CNTNAP5: variants seen among roughly 807,000 people sequenced by gnomAD.
CNTNAP5 encodes contactin associated protein family member 5.
Under a neutral mutation model 150.2 loss-of-function variants are expected in CNTNAP5, and 72 were observed. The observed-to-expected ratio is 0.48, with a 90% confidence interval of 0.40 to 0.58. The LOEUF (loss-of-function observed/expected upper bound fraction) is 0.58, where lower values mean the gene tolerates loss of function less well. CNTNAP5 is among the 20% of genes least tolerant of loss of function. The pLI is 0.00. For synonymous variants in CNTNAP5, 672 were observed against 619.8 expected (o/e 1.08, Z -1.25); for missense variants, 1,636 against 1,626.2 (o/e 1.01, Z -0.10).
intron 11 of CNTNAP5, among the ~76,000 whole-genome samples, chr2:124,576,366 G>T (rs556181408): frequency 2.2e-4 from 34 of 152,186 alleles, no homozygotes; most frequent in African/African-American, 8.2e-4. Flanking sequence ...TGATTTTGCT[G>T]TCGTGATGCC....
intron 3 of CNTNAP5, among the ~76,000 whole-genome samples, chr2:124,362,497 A>G (rs1411825439): frequency 6.6e-6 from 1 of 152,242 alleles, no homozygotes; most frequent in Admixed American, 6.5e-5. Flanking sequence ...CTATCATTTT[A>G]AAACCTAGAC....
rs570387474 is a variant in CNTNAP5 at position 124,910,300 on chromosome 2, A to G, written c.3656-1167A>G. Among the ~76,000 whole-genome samples the G allele has an allele frequency of 2.6e-5, 4 of 152,212 alleles. No individual in the cohort carries two copies. The South Asian group carries it at 8.3e-4, about 32-fold the overall frequency. On this transcript the variant is annotated intron_variant, in intron 22 of 23. Transcript: ENST00000682447. ...GAGACTAGGATGTGCATGTTTATACACATAAATGTGTATGTAATTAATAGT... is the reference window on the plus strand; with the variant it reads ...GAGACTAGGATGTGCATGTTTATACGCATAAATGTGTATGTAATTAATAGT...
rs149949120 is a variant in CNTNAP5, at chr2:124,117,536, C to T, written c.82+91804C>T. 7.7e-3 allele frequency among the ~76,000 whole-genome samples: 1,167 copies of T among 152,034 alleles called. 10 individuals carry two copies. Among genetic ancestry groups the T allele is most frequent in the African/African-American group, 0.026 (1,085 of 41,466 alleles). On this transcript the variant is annotated intron_variant, in intron 1 of 23. Coordinates refer to ENST00000682447, the MANE Select transcript of CNTNAP5 (RefSeq NM_001367498.1). Reference sequence around the variant, plus strand: ...TGGGGTAAAAAGTTAGGTTGGGAAACGAAGGAAAAGAATATTTAAACAATC... The same window carrying T: ...TGGGGTAAAAAGTTAGGTTGGGAAATGAAGGAAAAGAATATTTAAACAATC...
chr2:124,069,792 G>A (rs1682255735), intron 1 of CNTNAP5, among the ~76,000 whole-genome samples: 1 of 152,088 alleles, frequency 6.6e-6, no homozygotes, highest in Admixed American at 6.6e-5. Context: ...ATGCTAAAGG[G>A]AGTTCCTCAA....
At chr2:124,247,784 C>T (rs1285606922) in intron 3 of CNTNAP5, among the ~76,000 whole-genome samples, 1 of 152,058 alleles carries the variant, frequency 6.6e-6, no homozygotes, top group East Asian at 1.9e-4. Context: ...AGAGCACACT[C>T]GTATCTTTTT....
chr2:124,128,105 C>T (rs1243002929), intron 1 of CNTNAP5, among the ~76,000 whole-genome samples: 1 of 152,056 alleles, frequency 6.6e-6, no homozygotes, highest in African/African-American at 2.4e-5. Flanking sequence ...AAAGAAACTA[C>T]CATCAGAGTG....
chr2:124,623,579 TATGGTTGCCAC>T (rs1677661053), intron 12 of CNTNAP5, among the ~76,000 whole-genome samples: 1 of 152,192 alleles, frequency 6.6e-6, no homozygotes, highest in South Asian at 2.1e-4. Flanking sequence ...GACAGCTTTT[TATGGTTGCCAC>T]ATAGTCAATT....
At chr2:124,193,186 C>T (rs1324042909) in intron 1 of CNTNAP5, among the ~76,000 whole-genome samples, 2 of 152,176 alleles carry the variant, frequency 1.3e-5, no homozygotes, top group African/African-American at 4.8e-5. Flanking sequence ...TCCTTAATGG[C>T]CTTAGCTTAG....
intron 1 of CNTNAP5, among the ~76,000 whole-genome samples, chr2:124,114,673 A>G (rs114372629): frequency 0.018 from 2,737 of 151,982 alleles, 40 homozygotes; most frequent in Middle Eastern, 0.036. Context: ...TAAGAATTAT[A>G]GACAAGCTTC....
intron 10 of CNTNAP5, among the ~76,000 whole-genome samples, chr2:124,527,806 A>G (rs772053102): frequency 6.6e-6 from 1 of 152,196 alleles, no homozygotes; most frequent in African/African-American, 2.4e-5. Context: ...TTCATTTTTC[A>G]CTGCTGTGGG....
At chr2:124,879,769 T>G (rs72963882) in intron 21 of CNTNAP5, among the ~76,000 whole-genome samples, 2,556 of 152,272 alleles carry the variant, frequency 0.017, 73 homozygotes, top group African/African-American at 0.058. Context: ...TTGCCTGATA[T>G]CCCTCTTCCT....
chr2:124,627,157 G>T (rs1450785961), intron 12 of CNTNAP5, among the ~76,000 whole-genome samples: 1 of 152,148 alleles, frequency 6.6e-6, no homozygotes, highest in African/African-American at 2.4e-5. Context: ...TTTCCTGCCT[G>T]CCGGCTCTGA....
chr2:124,875,818 G>T (rs531869555), intron 21 of CNTNAP5, among the ~76,000 whole-genome samples: 1 of 151,422 alleles, frequency 6.6e-6, no homozygotes, highest in South Asian at 2.1e-4. Flanking sequence ...ACCATGGTGA[G>T]TCATACAGAA....
At chr2:124,474,170 A>G (rs936256522) in intron 6 of CNTNAP5, among the ~76,000 whole-genome samples, 4 of 152,248 alleles carry the variant, frequency 2.6e-5, no homozygotes, top group Admixed American at 2.6e-4. Context: ...ATGTTTAATA[A>G]GCACCATTAT....
rs142811478 is a variant in CNTNAP5 at position 124,610,976 on chromosome 2, G to A, written c.1876+1056G>A. Among the ~76,000 whole-genome samples, 438 of 150,550 alleles carry A rather than the reference G, an allele frequency of 2.9e-3. 2 individuals are homozygous for A. Among genetic ancestry groups the A allele is most frequent in the African/African-American group, 0.01 (412 of 41,024 alleles). On this transcript the variant is annotated intron_variant, in intron 12 of 23. Transcript: ENST00000682447. ...TCTCAAAAAAAAAAAAAAAAATCCAGCTATGCAAGCACTCCTATTATGAGC... is the reference window on the plus strand; with the variant it reads ...TCTCAAAAAAAAAAAAAAAAATCCAACTATGCAAGCACTCCTATTATGAGC...
At chr2:124,318,092 G>A (rs536834406) in intron 3 of CNTNAP5, among the ~76,000 whole-genome samples, 1 of 152,280 alleles carries the variant, frequency 6.6e-6, no homozygotes, top group East Asian at 1.9e-4. Flanking sequence ...TGCACTGGAG[G>A]CAGTGGAGGA....
At chr2:124,490,568 C>T (rs568936691) in intron 7 of CNTNAP5, among the ~76,000 whole-genome samples, 1 of 151,846 alleles carries the variant, frequency 6.6e-6, no homozygotes, top group Non-Finnish European at 1.5e-5. Context: ...CAATTTCTAC[C>T]TTAGTGTCAA....
chr2:124,483,448 TC>T (rs1454207345), intron 7 of CNTNAP5, among the ~76,000 whole-genome samples: 1 of 152,190 alleles, frequency 6.6e-6, no homozygotes, highest in Admixed American at 6.5e-5. Context: ...CCTTATCAAC[TC>T]CAGGCATTGT....
chr2:124,644,229 C>T (rs1015954217), intron 12 of CNTNAP5, among the ~76,000 whole-genome samples: 1 of 152,194 alleles, frequency 6.6e-6, no homozygotes, highest in Non-Finnish European at 1.5e-5. Flanking sequence ...GCTCAAACCA[C>T]CCTTCCCTAG....
Sources: allele counts gnomAD v4.1 joint callset (sites outside exome capture counted in the v4.1 genomes callset), GRCh38; gene constraint gnomAD v4.1.1; transcripts MANE v1.5; gene names NCBI Gene and HGNC (gene_info 2026-07-23, HGNC 2026-07-21).